Variants in MAP3K5 observed in about 807,000 individuals in gnomAD.
The protein encoded by MAP3K5 is mitogen-activated protein kinase kinase kinase 5.
A neutral mutation model predicts 158.7 loss-of-function variants in MAP3K5; 56 were observed. That is an observed-to-expected ratio of 0.35 (90% CI 0.28 to 0.44). The LOEUF (loss-of-function observed/expected upper bound fraction) is 0.44, where lower values mean the gene tolerates loss of function less well. Ranked by LOEUF, MAP3K5 falls within the 20% of genes least tolerant of loss-of-function variation. MAP3K5 has a pLI of 1.00. For missense variants in MAP3K5, 1,294 were observed against 1,674.8 expected, an observed-to-expected ratio of 0.77 and a Z score of 3.97; for synonymous variants, 579 against 601.7, an observed-to-expected ratio of 0.96 and a Z score of 0.55.
intron 1 of MAP3K5, among the ~76,000 whole-genome samples, chr6:136,782,041 C>A (rs1355503662): frequency 6.8e-6 from 1 of 147,602 alleles, no homozygotes; most frequent in African/African-American, 2.5e-5. Flanking sequence ...CAAGGCAAAA[C>A]CCTGTCTCTA....
intron 7 of MAP3K5, among the ~76,000 whole-genome samples, chr6:136,677,321 T>G (rs1377844467): frequency 1.3e-5 from 2 of 151,930 alleles, no homozygotes; most frequent in Non-Finnish European, 2.9e-5. Flanking sequence ...GCATTTTTAG[T>G]AGAGACAGGG....
intron 1 of MAP3K5, among the ~76,000 whole-genome samples, chr6:136,780,605 C>T (rs913071306): frequency 3.9e-5 from 6 of 152,222 alleles, no homozygotes; most frequent in African/African-American, 1.4e-4. Flanking sequence ...AATGCACTTT[C>T]TCAGGAAGGG....
chr6:136,696,173 G>A (rs1052825491), intron 5 of MAP3K5, 116 bp from the exon 6 acceptor site: 2 of 596,264 alleles, frequency 3.4e-6, no homozygotes, highest in South Asian at 4.7e-5. Flanking sequence ...AAAGACACTA[G>A]AATCCACAGA....
intron 8 of MAP3K5, 141 bp downstream of exon 8, chr6:136,669,142 A>G: frequency 1.5e-6 from 1 of 664,936 alleles, no homozygotes; most frequent in South Asian, 1.7e-5. Flanking sequence ...CCAAACAAGG[A>G]GATATAATAA....
Position 136,631,903 on chromosome 6 carries a change from T to TGCATG in MAP3K5, c.2016+5417_2016+5421dup, listed in dbSNP as rs148604435. ...TCCAGTGCAGGCTACCAGATTACAATGCATGGAGAAGAGCTAGGCCAGAGG... is the reference window on the plus strand; with the variant it reads ...TCCAGTGCAGGCTACCAGATTACAATGCATGGCATGGAGAAGAGCTAGGCCAGAGG... On this transcript the variant is annotated intron_variant, in intron 14 of 29. Transcript: ENST00000359015. Among the ~76,000 whole-genome samples, 1,202 of 152,120 alleles carry TGCATG rather than the reference T, an allele frequency of 7.9e-3. 2 individuals are homozygous for TGCATG. Among genetic ancestry groups the TGCATG allele is most frequent in the Middle Eastern group, 0.017 (5 of 294 alleles).
chr6:136,578,314 C>T (rs910289035), intron 25 of MAP3K5, among the ~76,000 whole-genome samples: 1 of 152,206 alleles, frequency 6.6e-6, no homozygotes, highest in Admixed American at 6.5e-5. Context: ...AAAATTTCCA[C>T]CCTAATTTGT....
chr6:136,601,948 G>A lies in MAP3K5; in HGVS notation c.2711C>T (p.Pro904Leu). The A allele has an allele frequency of 6.2e-7, 1 of 1,613,948 alleles. No homozygotes were observed. Among genetic ancestry groups the A allele is most frequent in the Non-Finnish European group, 8.5e-7 (1 of 1,179,972 alleles). The change falls in exon 20 of 30, where the codon CCA becomes CTA. Residue 904 changes from proline to leucine, a missense_variant. By Grantham distance (98) the Pro-to-Leu change is moderately conservative. Transcript: ENST00000359015. ...VGMFKVHPEI[P>L]ESMSAEAKAF... ...CTTGGCCTCTGCAGACATGGACTCTGGGATCTCAGGGTGGACTTTAAACAT... is the reference window on the plus strand; with the variant it reads ...CTTGGCCTCTGCAGACATGGACTCTAGGATCTCAGGGTGGACTTTAAACAT...
upstream of MAP3K5, chr6:136,792,547 C>T (rs1219633373): frequency 7.5e-5 from 3 of 40,104 alleles, no homozygotes; most frequent in African/African-American, 3.6e-4. This position sits in a 1 kb window ranked among gnomAD's most constrained non-coding sequence, Gnocchi z 5.7. Flanking sequence ...CCACCCGCCG[C>T]GCCGCGCCGC....
intron 25 of MAP3K5, among the ~76,000 whole-genome samples, chr6:136,580,033 T>A (rs1774800663): frequency 6.6e-6 from 1 of 152,226 alleles, no homozygotes; most frequent in African/African-American, 2.4e-5. Context: ...AATGCGTATT[T>A]ATCTGAGTCA....
Position 136,720,522 on chromosome 6 carries a change from T to G in MAP3K5, c.516A>C (p.Arg172Ser). Residue 172 changes from arginine (R) to serine (S), a missense_variant, in exon 2 of 30, where the codon AGA becomes AGC. By Grantham distance (110) the Arg-to-Ser change is moderately radical (BLOSUM62 -1). This residue lies in a region of MAP3K5 where 690 missense variants were observed against 870.5 expected (regional missense o/e 0.79). Coordinates refer to ENST00000359015, the MANE Select transcript of MAP3K5 (RefSeq NM_005923.4). The part of the protein sequence containing the change: ...QPSLFYHLGV[R>S]ESFSMANNII... ...TGTTGTTGGCCATGCTGAAACTTTC[T>G]CTCACCCCAAGGTGGTAAAACAAGG... 6.2e-7 allele frequency: 1 copy of G among 1,613,654 alleles called. No homozygotes were observed. Among genetic ancestry groups the G allele is most frequent in the Non-Finnish European group, 8.5e-7 (1 of 1,179,758 alleles).
Position 136,650,891 on chromosome 6 carries a change from A to T in MAP3K5, c.1788+93T>A. 4.4e-6 allele frequency: 3 copies of T among 681,446 alleles called. No homozygotes were observed. In the South Asian group the frequency reaches 6.1e-5, roughly 14 times the overall value. The allele number at this position is 681,446 out of a possible 1,614,324, so 42.2% of individuals were successfully genotyped here. A position where few individuals can be genotyped will look rare whatever the true frequency, so the allele number is the denominator to read the frequency against. ...CACACAGCTGAGCTATTTCTTCTTAACTAACACAGACATTTGCTGGAGTAT... is the reference window on the plus strand; with the variant it reads ...CACACAGCTGAGCTATTTCTTCTTATCTAACACAGACATTTGCTGGAGTAT... On this transcript the variant is annotated intron_variant, in intron 11 of 29. Coordinates refer to ENST00000359015, the MANE Select transcript of MAP3K5 (RefSeq NM_005923.4).
At chr6:136,733,543 T>A (rs879729905) in intron 1 of MAP3K5, among the ~76,000 whole-genome samples, 2 of 152,200 alleles carry the variant, frequency 1.3e-5, no homozygotes, top group Non-Finnish European at 2.9e-5. Flanking sequence ...CCCAAAAAAG[T>A]GTTATTCTCC....
At chr6:136,695,801 C>T (rs1401730738) in intron 6 of MAP3K5, 150 bp downstream of exon 6, 8 of 459,214 alleles carry the variant, frequency 1.7e-5, no homozygotes. Context: ...ATGCATGCTT[C>T]CTATATTTCA....
chr6:136,690,542 A>G (rs1440108377), intron 7 of MAP3K5, among the ~76,000 whole-genome samples: 1 of 152,164 alleles, frequency 6.6e-6, no homozygotes, highest in Non-Finnish European at 1.5e-5. Flanking sequence ...ATTTTGGTTA[A>G]TCTGAATAGT....
intron 1 of MAP3K5, among the ~76,000 whole-genome samples, chr6:136,757,578 TATTTTTTA>T (rs1177991852): frequency 2.7e-5 from 3 of 111,154 alleles, no homozygotes; most frequent in African/African-American, 1.0e-4. Context: ...TTTATTTATT[TATTTTTTA>T]TTTTTTTTTT....
intron 1 of MAP3K5, among the ~76,000 whole-genome samples, chr6:136,743,164 G>C (rs1430629602): frequency 6.6e-6 from 1 of 151,922 alleles, no homozygotes; most frequent in Non-Finnish European, 1.5e-5. Flanking sequence ...AAAACATTAA[G>C]ATACGGCTGG....
intron 14 of MAP3K5, among the ~76,000 whole-genome samples, chr6:136,625,871 T>C (rs888297038): frequency 5.9e-4 from 88 of 150,330 alleles, no homozygotes; most frequent in Admixed American, 2.2e-3. Context: ...TTATAAAATA[T>C]GTACATTTAA....
At chr6:136,587,062 C>G (rs1171050175) in intron 23 of MAP3K5, among the ~76,000 whole-genome samples, 1 of 152,134 alleles carries the variant, frequency 6.6e-6, no homozygotes, top group Non-Finnish European at 1.5e-5. Context: ...CTAGAGAACC[C>G]TGACTAACAC....
In MAP3K5 at chr6:136,711,637, G is replaced by C. The variant is rs554292917; in HGVS notation, c.589-6504C>G. Among the ~76,000 whole-genome samples, 5 of 151,356 alleles carry C rather than the reference G, an allele frequency of 3.3e-5. 1 individual carries two copies. In the South Asian group the frequency reaches 1.0e-3, roughly 32 times the overall value. On this transcript the variant is annotated intron_variant, in intron 2 of 29. Coordinates refer to ENST00000359015, the MANE Select transcript of MAP3K5 (RefSeq NM_005923.4). The stretch of plus-strand genomic sequence containing the variant: ...GCCAAAATGGCACTACTGCACCCCA[G>C]GCTGGGTGGACAAAGTCAGACCTCT...
Sources: gnomAD v4.1 joint callset for allele counts (sites outside exome capture counted in the v4.1 genomes callset) on GRCh38, gnomAD v4.1.1 for gene constraint, gnomAD v4.1.1 regional missense constraint, Gnocchi (gnomAD v3.1) non-coding constraint, MANE v1.5 for transcripts, NCBI Gene and HGNC (gene_info 2026-07-23, HGNC 2026-07-21) for gene names.